Variants in RAPGEFL1 observed in about 807,000 individuals in gnomAD.
The protein encoded by RAPGEFL1 is rap guanine nucleotide exchange factor-like 1.
RAPGEFL1 carries 31 observed loss-of-function variants against 64.4 expected under a neutral mutation model. The observed-to-expected ratio is 0.48, with a 90% confidence interval of 0.36 to 0.65. The LOEUF is 0.65. Ranked by LOEUF, RAPGEFL1 falls within the 30% of genes least tolerant of loss-of-function variation. The probability of loss-of-function intolerance (pLI) is 0.00; values close to 1 mark genes in which losing one functional copy is unlikely to be tolerated. For missense variants in RAPGEFL1, 682 were observed against 677.4 expected (o/e 1.01, Z -0.08); for synonymous variants, 331 against 274.1 (o/e 1.21, Z -2.05).
At position 40,193,750 on chromosome 17, in the gene RAPGEFL1, T is replaced by G; in HGVS notation, c.1951T>G (p.Phe651Val). ...FQVIDNQNLLFELSYKLEANS... is the reference protein window; with the variant it reads ...FQVIDNQNLLVELSYKLEANS... ...GGTCATCGACAACCAGAACCTCCTC[T>G]TCGAGCTCTCCTACAAGCTGGAGGC... The change falls in exon 15 of 15, where the codon TTC (phenylalanine) becomes GTC (valine). Residue 651 changes from phenylalanine to valine, a missense_variant. Coordinates refer to ENST00000620260, the MANE Select transcript of RAPGEFL1 (RefSeq NM_016339.6). 1 of 1,614,062 alleles carries G rather than the reference T, an allele frequency of 6.2e-7. No individual in the cohort carries two copies. Among genetic ancestry groups the G allele is most frequent in the Non-Finnish European group, 8.5e-7 (1 of 1,180,010 alleles).
Position 40,193,008 on chromosome 17 carries a change from C to T in RAPGEFL1, c.1809+18C>T. The T allele has an allele frequency of 1.9e-6, 3 of 1,606,384 alleles. No homozygotes were observed. Among genetic ancestry groups the T allele is most frequent in the South Asian group, 1.1e-5 (1 of 90,962 alleles). On this transcript the variant is annotated intron_variant, in intron 13 of 14. Coordinates refer to ENST00000620260, the MANE Select transcript of RAPGEFL1 (RefSeq NM_016339.6). ...AGAAGCTGGTGAGTGAGTGGCACTGCAAACCCCTAGTCCCACAAGTGGGGG... is the reference window on the plus strand; with the variant it reads ...AGAAGCTGGTGAGTGAGTGGCACTGTAAACCCCTAGTCCCACAAGTGGGGG...
At chr17:40,180,634 G>A (rs545780769) in intron 1 of RAPGEFL1, among the ~76,000 whole-genome samples, 5 of 152,260 alleles carry the variant, frequency 3.3e-5, no homozygotes, top group Non-Finnish European at 4.4e-5. Flanking sequence ...AGGATTCTGG[G>A]TTCTTATTCC....
chr17:40,179,593 C>T (rs1989833732), intron 1 of RAPGEFL1, among the ~76,000 whole-genome samples: 1 of 152,152 alleles, frequency 6.6e-6, no homozygotes, highest in African/African-American at 2.4e-5. Flanking sequence ...TTTCACCACT[C>T]CCTTTCAGCA....
At chr17:40,186,657 G>A (rs2145212666) in intron 4 of RAPGEFL1, among the ~76,000 whole-genome samples, 1 of 149,352 alleles carries the variant, frequency 6.7e-6, no homozygotes, top group East Asian at 2.0e-4. Context: ...CAGCACTTTG[G>A]GAGGCCGAGG....
At position 40,191,177 on chromosome 17, in the gene RAPGEFL1, C is replaced by G; in HGVS notation, c.1336-139C>G. 1.3e-6 allele frequency: 1 copy of G among 756,624 alleles called. No homozygotes were observed. The highest frequency in any genetic ancestry group is 2.0e-6 in the Non-Finnish European group (1 of 488,672). 46.9% of individuals were successfully genotyped at this position (756,624 alleles called of 1,614,324 possible). On this transcript the variant is annotated intron_variant, in intron 8 of 14. Coordinates refer to ENST00000620260, the MANE Select transcript of RAPGEFL1 (RefSeq NM_016339.6). This position sits in a 1 kb window ranked among gnomAD's most constrained non-coding sequence, Gnocchi z 5.1. ...TTTCCGCATCTTTGCCGCCTCCTGT[C>G]CTTTCTATTTTTCTATTTTCCACCC...
intron 4 of RAPGEFL1, among the ~76,000 whole-genome samples, chr17:40,185,283 T>C (rs1023249385): frequency 6.6e-6 from 1 of 152,152 alleles, no homozygotes; most frequent in African/African-American, 2.4e-5. Context: ...TCACCATGGC[T>C]GATTTCAAGC....
At position 40,192,379 on chromosome 17, in the gene RAPGEFL1, C is replaced by G. The variant is rs1990306080; in HGVS notation, c.1656+116C>G. The G allele has an allele frequency of 2.5e-6, 3 of 1,213,404 alleles. No individual in the cohort carries two copies. The Admixed American group carries it at 5.5e-5, about 22-fold the overall frequency. The allele number at this position is 1,213,404 out of a possible 1,614,324, so 75.2% of individuals were successfully genotyped here. On this transcript the variant is annotated intron_variant, in intron 11 of 14. Transcript: ENST00000620260. ...AAGGTGTTTAGTGTATGGGACCCCC[C>G]ACCCTCCTTACCATGCTGGAGGGTG...
upstream of RAPGEFL1, chr17:40,177,414 G>A: frequency 2.0e-6 from 1 of 508,728 alleles, no homozygotes; most frequent in South Asian, 1.6e-5. Flanking sequence ...CCGAGGAAGG[G>A]TAGGGGCGGG....
intron 11 of RAPGEFL1, 91 bp downstream of exon 11, chr17:40,192,354 A>G: frequency 7.0e-7 from 1 of 1,435,072 alleles, no homozygotes; most frequent in Non-Finnish European, 9.8e-7. Flanking sequence ...CTTTCCTTTC[A>G]AGGTGTTTAG....
rs148590396 is a variant in RAPGEFL1 at position 40,191,129 on chromosome 17, T to C, written c.1336-187T>C. 1.8e-3 allele frequency: 1,147 copies of C among 626,544 alleles called. 14 individuals carry two copies. Among genetic ancestry groups the C allele is most frequent in the South Asian group, 8.1e-3 (401 of 49,596 alleles). The allele number at this position is 626,544 out of a possible 1,614,324, so 38.8% of individuals were successfully genotyped here. A position where few individuals can be genotyped will look rare whatever the true frequency, so the allele number is the denominator to read the frequency against. On this transcript the variant is annotated intron_variant, in intron 8 of 14. Coordinates refer to ENST00000620260, the MANE Select transcript of RAPGEFL1 (RefSeq NM_016339.6). The surrounding 1 kb of genome is among the most constrained non-coding windows in gnomAD (Gnocchi z 5.1). ...TAAGTGCTCAGTAGCTGGTGAAATA[T>C]TATTAATGCTGGTTGTTTTCTTTTT...
At chr17:40,186,243 C>T (rs1253780421) in intron 4 of RAPGEFL1, among the ~76,000 whole-genome samples, 3 of 147,606 alleles carry the variant, frequency 2.0e-5, no homozygotes, top group Non-Finnish European at 3.0e-5. Context: ...CACTGCATTC[C>T]AGCCTGGGTG....
chr17:40,187,256 C>A (rs768927779), intron 4 of RAPGEFL1, among the ~76,000 whole-genome samples: 3 of 152,146 alleles, frequency 2.0e-5, no homozygotes. Flanking sequence ...CTTCAGGACA[C>A]CACTGTATCC....
intron 2 of RAPGEFL1, among the ~76,000 whole-genome samples, chr17:40,183,028 A>C (rs1449510766): frequency 3.3e-5 from 5 of 152,078 alleles, no homozygotes; most frequent in Non-Finnish European, 7.4e-5. Flanking sequence ...GGCACCTGTA[A>C]TCTCAGCTAC....
intron 1 of RAPGEFL1, 88 bp from the exon 2 acceptor site, chr17:40,181,528 C>G: frequency 2.9e-6 from 2 of 690,116 alleles, no homozygotes; most frequent in Non-Finnish European, 5.3e-6. Context: ...AGAACTTGCC[C>G]TTAGGGGCAA....
intron 4 of RAPGEFL1, 28 bp from the exon 5 acceptor site, chr17:40,188,838 T>C: frequency 6.3e-7 from 1 of 1,587,346 alleles, no homozygotes; most frequent in East Asian, 2.2e-5. Flanking sequence ...TGGCAGGGCG[T>C]GCTGATGCCC....
chr17:40,182,876 G>C (rs549337768), intron 2 of RAPGEFL1, among the ~76,000 whole-genome samples: 2 of 152,156 alleles, frequency 1.3e-5, no homozygotes, highest in African/African-American at 4.8e-5. Context: ...AGCCAGGCAC[G>C]GTGGCATATG....
chr17:40,192,560 T>A, intron 11 of RAPGEFL1, 46 bp from the exon 12 acceptor site: 3 of 1,484,126 alleles, frequency 2.0e-6, no homozygotes, highest in Non-Finnish European at 2.8e-6. Context: ...ATCTTTGGGA[T>A]GCATTGGCCA....
Position 40,178,314 on chromosome 17 carries a change from C to T in RAPGEFL1, c.453C>T (p.Pro151=), listed in dbSNP as rs1989786252. 1 of 615,580 alleles carries T rather than the reference C, an allele frequency of 1.6e-6. No individual in the cohort carries two copies. The highest frequency in any genetic ancestry group is 2.7e-5 in the Admixed American group (1 of 37,536). 38.1% of individuals were successfully genotyped at this position (615,580 alleles called of 1,614,324 possible). A position where few individuals can be genotyped will look rare whatever the true frequency, so the allele number is the denominator to read the frequency against. Residue 151 remains proline (P), a synonymous_variant, in exon 1 of 15, where the codon CCC becomes CCT. Transcript: ENST00000620260. ...PWAPLGAPER[P]EHLLNRVLER... ...CCCCTCTGGGCGCCCCCGAGCGGCC[C>T]GAGCATCTTCTGAACCGGGTTCTGG...
chr17:40,182,270 A>G (rs1598438829), intron 2 of RAPGEFL1, among the ~76,000 whole-genome samples: 2 of 152,142 alleles, frequency 1.3e-5, no homozygotes, highest in African/African-American at 4.8e-5. Context: ...CAGATGTGGG[A>G]GTGCTTTGGA....
Sources: allele counts gnomAD v4.1 joint callset (sites outside exome capture counted in the v4.1 genomes callset), GRCh38; gene constraint gnomAD v4.1.1; non-coding constraint Gnocchi (gnomAD v3.1); transcripts MANE v1.5; gene names NCBI Gene and HGNC (gene_info 2026-07-23, HGNC 2026-07-21).